Variants in ZNF425 observed in about 807,000 individuals in gnomAD.
The protein encoded by ZNF425 is zinc finger protein 425.
ZNF425 carries 21 observed loss-of-function variants against 17.0 expected under a neutral mutation model. That is an observed-to-expected ratio of 1.23 (90% CI 0.88 to 1.78). The LOEUF (loss-of-function observed/expected upper bound fraction) is 1.78. Ranked by LOEUF, ZNF425 falls within the 40% of genes most tolerant of loss-of-function variation. The pLI, the probability that ZNF425 is intolerant of heterozygous loss-of-function variation, is 0.00. For synonymous variants in ZNF425, 433 were observed against 384.1 expected, an observed-to-expected ratio of 1.13 and a Z score of -1.49; for missense variants, 868 against 967.3, an observed-to-expected ratio of 0.90 and a Z score of 1.36.
At chr7:149,110,917 C>T (rs933067741) in intron 3 of ZNF425, among the ~76,000 whole-genome samples, 11 of 151,486 alleles carry the variant, frequency 7.3e-5, no homozygotes, top group Admixed American at 3.9e-4. Flanking sequence ...GCCTCAGCCT[C>T]GCGAGTAGCT....
chr7:149,125,916 G>C (rs1321468710), intron 1 of ZNF425: 1 of 608,388 alleles, frequency 1.6e-6, no homozygotes, highest in Non-Finnish European at 2.9e-6. Flanking sequence ...CAGAGCTCCC[G>C]GGCTCAAGCG....
intron 3 of ZNF425, 117 bp downstream of exon 3, chr7:149,112,020 C>T (rs916470709): frequency 1.6e-5 from 17 of 1,066,542 alleles, no homozygotes; most frequent in Non-Finnish European, 2.2e-5. Context: ...AACTAACATT[C>T]TCCATCAAAA....
In ZNF425 at chr7:149,104,800, G is replaced by A; in HGVS notation, c.1071C>T (p.Pro357=). 1 of 1,613,784 alleles carries A rather than the reference G, an allele frequency of 6.2e-7. No homozygotes were observed. Among genetic ancestry groups the A allele is most frequent in the Non-Finnish European group, 8.5e-7 (1 of 1,179,992 alleles). Residue 357 remains proline, a synonymous_variant, in exon 4 of 4, where the codon CCC becomes CCT. Transcript: ENST00000378061. The surrounding 1 kb of genome is among the most constrained non-coding windows in gnomAD (Gnocchi z 4.3). ...VHLTQHSGKR[P]FHCPECGRSF... is the part of the protein sequence containing the mutation. The stretch of plus-strand genomic sequence containing the variant: ...TCCGGCCACACTCGGGACAGTGGAA[G>A]GGCCTCTTCCCGCTGTGCTGGGTCA...
chr7:149,105,749 C>A (rs994218807), intron 3 of ZNF425, among the ~76,000 whole-genome samples, 183 bp from the exon 4 acceptor site: 7 of 151,662 alleles, frequency 4.6e-5, no homozygotes, highest in Non-Finnish European at 7.4e-5. Context: ...CTCCCGGGTT[C>A]ACGCCATTCT....
chr7:149,122,836 C>G lies in ZNF425; in HGVS notation c.18+3360G>C, dbSNP rs549665820. On this transcript the variant is annotated intron_variant, in intron 1 of 3. Transcript: ENST00000378061. ...TCAGCCTCCTGAGTAGCTGGGATTA[C>G]AGGCATGTGCGACCACGCCCAGCTA... is the stretch of plus-strand genomic sequence containing the variant. Among the ~76,000 whole-genome samples, 32 of 152,250 alleles carry G rather than the reference C, an allele frequency of 2.1e-4. No homozygotes were observed. The South Asian group carries it at 6.4e-3, about 31-fold the overall frequency.
chr7:149,103,860 A>T lies in ZNF425; in HGVS notation c.2011T>A (p.Cys671Ser). The T allele has an allele frequency of 6.2e-7, 1 of 1,613,576 alleles. No homozygotes were observed. The highest frequency in any genetic ancestry group is 8.5e-7 in the Non-Finnish European group (1 of 1,179,942). Residue 671 changes from cysteine (C) to serine (S), a missense_variant, in exon 4 of 4, where the codon TGT (cysteine) becomes AGT (serine). This residue lies in a region of ZNF425 where 437 missense variants were observed against 444.2 expected (regional missense o/e 0.98). Coordinates refer to ENST00000378061, the MANE Select transcript of ZNF425 (RefSeq NM_001001661.3). ...CCCCTGATGCAGTAGCTCTTGTCACACTCCGGACACTGGAAGGGCTTCTCC... is the reference window on the plus strand; with the variant it reads ...CCCCTGATGCAGTAGCTCTTGTCACTCTCCGGACACTGGAAGGGCTTCTCC... ...SGEKPFQCPE[C>S]DKSYCIRGSL...
At chr7:149,111,132 C>T (rs1231382101) in intron 3 of ZNF425, among the ~76,000 whole-genome samples, 1 of 151,866 alleles carries the variant, frequency 6.6e-6, no homozygotes, top group Admixed American at 6.6e-5. Context: ...ATCTTCTTCC[C>T]AGGATTTGTT....
At chr7:149,123,452 T>C (rs909019076) in intron 1 of ZNF425, among the ~76,000 whole-genome samples, 21 of 152,236 alleles carry the variant, frequency 1.4e-4, no homozygotes, top group Admixed American at 1.4e-3. Context: ...GTTTCAGAGC[T>C]AAAATTCTAT....
intron 1 of ZNF425, 109 bp downstream of exon 1, chr7:149,126,087 C>T: frequency 1.3e-6 from 2 of 1,576,722 alleles, no homozygotes; most frequent in Non-Finnish European, 8.6e-7. Flanking sequence ...CACTGCCAAC[C>T]CCCAGGCCCA....
At position 149,111,541 on chromosome 7, in the gene ZNF425, G is replaced by A. The variant is rs779583046; in HGVS notation, c.304+596C>T. The stretch of plus-strand genomic sequence containing the variant: ...CGGGAGGCAGAGGTTGCAGTGAGCC[G>A]AGATTGCACAGTTGGGCTCCACCCT... On this transcript the variant is annotated intron_variant, in intron 3 of 3. Transcript: ENST00000378061. Among the ~76,000 whole-genome samples, 32 of 135,194 alleles carry A rather than the reference G, an allele frequency of 2.4e-4. 1 individual carries two copies. Among genetic ancestry groups the A allele is most frequent in the Non-Finnish European group, 3.1e-4 (20 of 65,096 alleles). The allele number at this position is 135,194 out of a possible 152,430, so 88.7% of individuals were successfully genotyped here. A position where few individuals can be genotyped will look rare whatever the true frequency, so the allele number is the denominator to read the frequency against.
chr7:149,124,818 G>A (rs868383292), intron 1 of ZNF425, among the ~76,000 whole-genome samples: 1 of 152,164 alleles, frequency 6.6e-6, no homozygotes, highest in Middle Eastern at 3.2e-3. Context: ...TGGGATTACT[G>A]GCGTGAGCCA....
At chr7:149,125,528 C>T (rs980326501) in intron 1 of ZNF425, among the ~76,000 whole-genome samples, 1 of 152,162 alleles carries the variant, frequency 6.6e-6, no homozygotes, top group African/African-American at 2.4e-5. Flanking sequence ...TTCTCTGAAA[C>T]TACCTTCAGC....
At chr7:149,113,841 G>A (rs1304521114) in intron 2 of ZNF425, among the ~76,000 whole-genome samples, 1 of 151,364 alleles carries the variant, frequency 6.6e-6, no homozygotes, top group Non-Finnish European at 1.5e-5. Flanking sequence ...GTGAGCCACC[G>A]CACCTGGCCC....
At chr7:149,119,853 A>G (rs577858103) in intron 1 of ZNF425, among the ~76,000 whole-genome samples, 1 of 152,300 alleles carries the variant, frequency 6.6e-6, no homozygotes, top group Non-Finnish European at 1.5e-5. Flanking sequence ...TAGCGTTTAT[A>G]TTGTATTAGG....
rs1405131271 is a variant in ZNF425 at position 149,104,370 on chromosome 7, C to T, written c.1501G>A (p.Gly501Ser). Residue 501 changes from glycine to serine, a missense_variant, in exon 4 of 4, where the codon GGC (glycine) becomes AGC (serine). This residue lies in a region of ZNF425 where 437 missense variants were observed against 444.2 expected (regional missense o/e 0.98). Coordinates refer to ENST00000378061, the MANE Select transcript of ZNF425 (RefSeq NM_001001661.3). The surrounding 1 kb of genome is among the most constrained non-coding windows in gnomAD (Gnocchi z 4.3). Reference protein sequence around the residue: ...VHDRQKEFPCGECKKTFSQQS... With the variant: ...VHDRQKEFPCSECKKTFSQQS... ...TGAGAAAAGGTCTTTTTGCACTCGC[C>T]GCAGGGAAACTCCTTCTGCCTGTCG... The T allele has an allele frequency of 8.1e-6, 13 of 1,610,798 alleles. No homozygotes were observed. In the East Asian group the frequency reaches 8.9e-5, roughly 11 times the overall value.
At position 149,126,077 on chromosome 7, in the gene ZNF425, C is replaced by T. The variant is rs1826462046; in HGVS notation, c.18+119G>A. 3.8e-6 allele frequency: 6 copies of T among 1,560,624 alleles called. No homozygotes were observed. In the East Asian group the frequency reaches 1.4e-4, roughly 37 times the overall value. On this transcript the variant is annotated intron_variant, in intron 1 of 3. Coordinates refer to ENST00000378061, the MANE Select transcript of ZNF425 (RefSeq NM_001001661.3). ...CCAGCCCGGAGCTCAGTCCGTGGGC[C>T]ACTGCCAACCCCCAGGCCCAGGCCC...
At chr7:149,111,278 G>A (rs192198232) in intron 3 of ZNF425, among the ~76,000 whole-genome samples, 99 of 149,924 alleles carry the variant, frequency 6.6e-4, no homozygotes, top group African/African-American at 2.2e-3. Context: ...GCGAAACACT[G>A]TCTCTACTAA....
Position 149,111,590 on chromosome 7 carries a change from TA to T in ZNF425, c.304+546del, listed in dbSNP as rs60783786. ...CTGGGTGACAGAGCAAGACTCTGTC[TA>T]AAAAAAAAAAAAAAAAAAAAAAAAA... On this transcript the variant is annotated intron_variant, in intron 3 of 3. Coordinates refer to ENST00000378061, the MANE Select transcript of ZNF425 (RefSeq NM_001001661.3). 4.7e-3 allele frequency among the ~76,000 whole-genome samples: 257 copies of T among 54,370 alleles called. 1 individual carries two copies. The highest frequency in any genetic ancestry group is 0.015 in the African/African-American group (225 of 15,306). The allele number at this position is 54,370 out of a possible 152,430, so 35.7% of individuals were successfully genotyped here. A position where few individuals can be genotyped will look rare whatever the true frequency, so the allele number is the denominator to read the frequency against.
At chr7:149,119,669 A>G (rs1316796325) in intron 1 of ZNF425, among the ~76,000 whole-genome samples, 2 of 152,016 alleles carry the variant, frequency 1.3e-5, no homozygotes, top group Admixed American at 6.6e-5. Context: ...TAATCCCAGC[A>G]CTTTGGGAGG....
Sources: allele counts gnomAD v4.1 joint callset (sites outside exome capture counted in the v4.1 genomes callset), GRCh38; gene constraint gnomAD v4.1.1; regional missense constraint gnomAD v4.1.1; non-coding constraint Gnocchi (gnomAD v3.1); transcripts MANE v1.5; gene names NCBI Gene and HGNC (gene_info 2026-07-23, HGNC 2026-07-21).